IQCJ: variants seen among roughly 807,000 people sequenced by gnomAD.
The protein encoded by IQCJ is IQ domain-containing protein J.
IQCJ carries 9 observed loss-of-function variants against 11.0 expected under a neutral mutation model. The observed-to-expected ratio is 0.82, with a 90% CI of 0.49 to 1.43. IQCJ has a LOEUF of 1.43. Among genes scored for constraint, IQCJ ranks in the 40% most tolerant of loss-of-function variants. The pLI, the probability that IQCJ is intolerant of heterozygous loss-of-function variation, is 0.00. For missense variants in IQCJ, 146 were observed against 133.2 expected (o/e 1.10, Z -0.47); for synonymous variants, 55 against 51.3 (o/e 1.07, Z -0.31).
At chr3:159,143,609 T>C (rs1720752998) in intron 1 of IQCJ, among the ~76,000 whole-genome samples, 1 of 152,154 alleles carries the variant, frequency 6.6e-6, no homozygotes, top group South Asian at 2.1e-4. Context: ...AGTTAAACAT[T>C]AGTTTCCTGA....
intron 1 of IQCJ, among the ~76,000 whole-genome samples, chr3:159,236,942 T>C (rs1205973402): frequency 1.3e-5 from 2 of 152,240 alleles, no homozygotes; most frequent in Admixed American, 6.5e-5. Context: ...TTTTGGTTTT[T>C]AATTTTTGTT....
chr3:159,094,949 C>A (rs1253193062), intron 1 of IQCJ, among the ~76,000 whole-genome samples: 3 of 151,898 alleles, frequency 2.0e-5, no homozygotes, highest in African/African-American at 4.9e-5. Flanking sequence ...ACTGCTGCCT[C>A]ATGAGAACAT....
chr3:159,251,187 C>A (rs1727577466), intron 2 of IQCJ, among the ~76,000 whole-genome samples: 1 of 152,080 alleles, frequency 6.6e-6, no homozygotes, highest in Admixed American at 6.5e-5. Flanking sequence ...CTATGTTTTC[C>A]CTACCGCCAG....
intron 1 of IQCJ, among the ~76,000 whole-genome samples, chr3:159,137,761 A>G (rs2108173583): frequency 6.6e-6 from 1 of 152,266 alleles, no homozygotes; most frequent in Admixed American, 6.5e-5. Context: ...GCTTTAAGAA[A>G]CCTATTTTTC....
intron 1 of IQCJ, among the ~76,000 whole-genome samples, chr3:159,082,881 T>C (rs968161105): frequency 6.6e-6 from 1 of 152,094 alleles, no homozygotes; most frequent in African/African-American, 2.4e-5. Flanking sequence ...AATAGCAATG[T>C]CATTGTTCAA....
chr3:159,179,452 G>A (rs531309719), intron 1 of IQCJ, among the ~76,000 whole-genome samples: 2 of 152,114 alleles, frequency 1.3e-5, no homozygotes, highest in Non-Finnish European at 2.9e-5. Flanking sequence ...AGGGTTGAAG[G>A]ACTGGTAGCA....
intron 2 of IQCJ, among the ~76,000 whole-genome samples, chr3:159,248,896 AC>A (rs1727428919): frequency 6.6e-6 from 1 of 150,808 alleles, no homozygotes; most frequent in African/African-American, 2.4e-5. Flanking sequence ...TTGCTCTGTC[AC>A]CCAGGCTGGA....
chr3:159,233,352 G>T (rs1365738121), intron 1 of IQCJ, among the ~76,000 whole-genome samples: 1 of 152,122 alleles, frequency 6.6e-6, no homozygotes, highest in Admixed American at 6.6e-5. Context: ...GGCATTTCAG[G>T]TTGCTCCTTC....
chr3:159,226,212 G>A (rs536752005), intron 1 of IQCJ, among the ~76,000 whole-genome samples: 125 of 152,150 alleles, frequency 8.2e-4, no homozygotes, highest in African/African-American at 2.8e-3. Context: ...TCCCTCTCCC[G>A]TCTCCAGAGG....
intron 1 of IQCJ, among the ~76,000 whole-genome samples, chr3:159,164,200 C>T (rs1722037337): frequency 6.6e-6 from 1 of 152,116 alleles, no homozygotes; most frequent in African/African-American, 2.4e-5. Flanking sequence ...AAAAGGTTGT[C>T]CTTGGGTTCT....
chr3:159,121,010 T>G (rs1424569949), intron 1 of IQCJ, among the ~76,000 whole-genome samples: 1 of 152,204 alleles, frequency 6.6e-6, no homozygotes, highest in Non-Finnish European at 1.5e-5. Flanking sequence ...CCTGTCCCAT[T>G]TAACAAGTAG....
chr3:159,261,013 C>T (rs1728172399), intron 3 of IQCJ, among the ~76,000 whole-genome samples: 1 of 152,090 alleles, frequency 6.6e-6, no homozygotes, highest in Admixed American at 6.5e-5. Flanking sequence ...CATTGTAATT[C>T]CCAGACCTTT....
chr3:159,225,576 T>C (rs1434899741), intron 1 of IQCJ, among the ~76,000 whole-genome samples: 1 of 152,178 alleles, frequency 6.6e-6, no homozygotes, highest in Non-Finnish European at 1.5e-5. Context: ...ATTGTATCAA[T>C]GTCAATTTCA....
intron 3 of IQCJ, 126 bp from the exon 4 acceptor site, chr3:159,262,422 G>A: frequency 5.0e-6 from 7 of 1,407,122 alleles, no homozygotes; most frequent in Non-Finnish European, 5.7e-6. Flanking sequence ...ATCACATTCT[G>A]TATGTTCTAC....
At chr3:159,108,080 T>C (rs1718386358) in intron 1 of IQCJ, among the ~76,000 whole-genome samples, 1 of 150,934 alleles carries the variant, frequency 6.6e-6, no homozygotes, top group African/African-American at 2.4e-5. Flanking sequence ...TAATATAGGG[T>C]TGGCAGAGAG....
At chr3:159,085,259 A>G (rs946058461) in intron 1 of IQCJ, among the ~76,000 whole-genome samples, 5 of 151,292 alleles carry the variant, frequency 3.3e-5, no homozygotes, top group Non-Finnish European at 7.4e-5. Context: ...ATCATTTTTT[A>G]TGGCTGCATA....
At chr3:159,150,918 C>T (rs1721177323) in intron 1 of IQCJ, among the ~76,000 whole-genome samples, 1 of 152,130 alleles carries the variant, frequency 6.6e-6, no homozygotes, top group Non-Finnish European at 1.5e-5. Flanking sequence ...CTTTGATTTT[C>T]CATGAATGGA....
At chr3:159,145,931 T>C (rs1720903327) in intron 1 of IQCJ, among the ~76,000 whole-genome samples, 1 of 152,220 alleles carries the variant, frequency 6.6e-6, no homozygotes, top group Admixed American at 6.5e-5. Context: ...AGAACCATTA[T>C]TATTGTACCA....
At chr3:159,126,452 C>T (rs1719683473) in intron 1 of IQCJ, among the ~76,000 whole-genome samples, 1 of 152,222 alleles carries the variant, frequency 6.6e-6, no homozygotes, top group African/African-American at 2.4e-5. Context: ...TTATTAAGTA[C>T]TGGCTTCAGT....
Sources: gnomAD v4.1 joint callset for allele counts (sites outside exome capture counted in the v4.1 genomes callset) on GRCh38, gnomAD v4.1.1 for gene constraint, MANE v1.5 for transcripts, NCBI Gene and HGNC (gene_info 2026-07-23, HGNC 2026-07-21) for gene names.